SDC2: variants seen among roughly 807,000 people sequenced by gnomAD.
SDC2 encodes the protein syndecan 2, also known as syndecan-2.
SDC2 carries 13 observed loss-of-function variants against 22.2 expected under a neutral mutation model. The ratio of observed to expected loss-of-function variants is 0.59; its 90% CI spans 0.38 to 0.93. The LOEUF is 0.93. Ranked by LOEUF, SDC2 falls within the 40% of genes least tolerant of loss-of-function variation. The pLI, the probability that SDC2 is intolerant of heterozygous loss-of-function variation, is 0.00. For synonymous variants in SDC2, 94 were observed against 92.8 expected, an observed-to-expected ratio of 1.01 and a Z score of -0.07; for missense variants, 235 against 246.8, an observed-to-expected ratio of 0.95 and a Z score of 0.32.
chr8:96,609,570 T>C lies in SDC2; in HGVS notation c.*22T>C, dbSNP rs759853427. On this transcript the variant is annotated 3_prime_UTR_variant, in exon 5 of 5. Transcript: ENST00000302190. Reference sequence around the variant, plus strand: ...GTAAAACTCCAACTTAGTGTCTCTATTTATGAGATCACTGAACTTTTCAAA... The same window carrying C: ...GTAAAACTCCAACTTAGTGTCTCTACTTATGAGATCACTGAACTTTTCAAA... 1 of 1,525,532 alleles carries C rather than the reference T, an allele frequency of 6.6e-7. No homozygotes were observed. Among genetic ancestry groups the C allele is most frequent in the African/African-American group, 1.4e-5 (1 of 71,558 alleles). 94.5% of individuals were successfully genotyped at this position (1,525,532 alleles called of 1,614,324 possible).
chr8:96,608,494 G>C (rs1815122437), intron 4 of SDC2, 24 bp downstream of exon 4: 1 of 1,601,220 alleles, frequency 6.2e-7, no homozygotes, highest in Admixed American at 1.7e-5. Context: ...TGGGCCTCAG[G>C]TGGGAGGGTG....
chr8:96,570,175 GCTGGTAAGTGGCAGAGCCAGGCAAGT>G (rs1483943787), intron 1 of SDC2, among the ~76,000 whole-genome samples: 31 of 152,182 alleles, frequency 2.0e-4, no homozygotes, highest in African/African-American at 7.2e-4. Context: ...AGATCCCGCA[GCTGGTAAGTGGCAGAGCCAGGCAAGT>G]CTGGTGCCAG....
intron 1 of SDC2, among the ~76,000 whole-genome samples, chr8:96,542,456 T>C (rs1157548299): frequency 2.6e-5 from 4 of 152,194 alleles, no homozygotes; most frequent in African/African-American, 9.6e-5. Flanking sequence ...CTAATGCCTA[T>C]TTAATTGAAG....
intron 1 of SDC2, among the ~76,000 whole-genome samples, chr8:96,576,007 G>A (rs962449716): frequency 6.6e-6 from 1 of 151,982 alleles, no homozygotes; most frequent in Non-Finnish European, 1.5e-5. Context: ...TCCCTTTAGG[G>A]CCCTAGCTTA....
At chr8:96,608,936 T>C (rs1418441425) in intron 4 of SDC2, among the ~76,000 whole-genome samples, 1 of 152,210 alleles carries the variant, frequency 6.6e-6, no homozygotes, top group Non-Finnish European at 1.5e-5. Flanking sequence ...GGGAAAACTT[T>C]CAAGATTTAG....
intron 3 of SDC2, among the ~76,000 whole-genome samples, chr8:96,604,464 CTG>C (rs986669504): frequency 3.9e-5 from 6 of 152,144 alleles, no homozygotes; most frequent in Non-Finnish European, 1.5e-5. Context: ...GTGTCGAACA[CTG>C]TTTGCAGCAC....
At chr8:96,560,250 GA>G (rs1814186725) in intron 1 of SDC2, among the ~76,000 whole-genome samples, 2 of 152,182 alleles carry the variant, frequency 1.3e-5, no homozygotes, top group South Asian at 4.1e-4. Flanking sequence ...TGTTACTCTG[GA>G]TTTTGTTATC....
intron 1 of SDC2, among the ~76,000 whole-genome samples, chr8:96,565,083 G>GTGTTTTTTTTTTTTT: frequency 6.3e-5 from 1 of 15,928 alleles, no homozygotes; most frequent in Middle Eastern, 0.024. Flanking sequence ...TCCTAAATTT[G>GTGTTTTTTTTTTTTT]ATTTTTTTTT....
intron 1 of SDC2, among the ~76,000 whole-genome samples, chr8:96,538,520 T>C (rs1041824113): frequency 6.6e-6 from 1 of 152,188 alleles, no homozygotes; most frequent in Non-Finnish European, 1.5e-5. Flanking sequence ...TAGAGGTATT[T>C]TTTTTTCCAG....
At chr8:96,580,221 A>T in intron 1 of SDC2, 1 of 192,992 alleles carries the variant, frequency 5.2e-6, no homozygotes, top group South Asian at 1.8e-4. Flanking sequence ...CATGCCAAAG[A>T]GGTTACCGTG....
Position 96,493,823 on chromosome 8 carries a change from G to C in SDC2, c.-449G>C, listed in dbSNP as rs1033176222. 1.9e-5 allele frequency: 3 copies of C among 161,484 alleles called. No homozygotes were observed. Among genetic ancestry groups the C allele is most frequent in the Admixed American group, 6.5e-5 (1 of 15,398 alleles). 10.0% of individuals were successfully genotyped at this position (161,484 alleles called of 1,614,324 possible). On this transcript the variant is annotated 5_prime_UTR_variant, in exon 1 of 5. Transcript: ENST00000302190. ...GACGCGCTGCTCTCCAGATACCCCC[G>C]GAGCTCCAGCCGCGCGGATCGCGCG...
intron 1 of SDC2, among the ~76,000 whole-genome samples, chr8:96,555,848 C>T (rs141156812): frequency 1.1e-3 from 169 of 152,270 alleles, no homozygotes; most frequent in African/African-American, 3.9e-3. Flanking sequence ...CATACAAACC[C>T]ACATTTTAAA....
intron 1 of SDC2, among the ~76,000 whole-genome samples, chr8:96,505,380 T>G (rs909538875): frequency 6.6e-6 from 1 of 152,170 alleles, no homozygotes; most frequent in African/African-American, 2.4e-5. Context: ...CTCGGCTCAC[T>G]GCAGCCTCTG....
At chr8:96,576,641 G>T (rs1410954628) in intron 1 of SDC2, among the ~76,000 whole-genome samples, 1 of 148,464 alleles carries the variant, frequency 6.7e-6, no homozygotes, top group Non-Finnish European at 1.5e-5. Flanking sequence ...GGATGGTCTC[G>T]ATCTCCTGAC....
At chr8:96,503,099 T>C (rs918852422) in intron 1 of SDC2, among the ~76,000 whole-genome samples, 3 of 152,246 alleles carry the variant, frequency 2.0e-5, no homozygotes, top group Non-Finnish European at 4.4e-5. Flanking sequence ...TGAGAAAATA[T>C]GCCATTTATT....
intron 1 of SDC2, among the ~76,000 whole-genome samples, chr8:96,577,139 A>G (rs1563668215): frequency 6.6e-6 from 1 of 152,192 alleles, no homozygotes; most frequent in East Asian, 1.9e-4. Flanking sequence ...AGAATGAATG[A>G]ATGAGAATGA....
intron 1 of SDC2, among the ~76,000 whole-genome samples, chr8:96,584,464 C>T (rs1814647608): frequency 6.6e-6 from 1 of 152,248 alleles, no homozygotes; most frequent in South Asian, 2.1e-4. Context: ...CTGTGCTTGA[C>T]TTGGACTCTG....
chr8:96,519,108 C>G (rs1441668841), intron 1 of SDC2, among the ~76,000 whole-genome samples: 1 of 152,148 alleles, frequency 6.6e-6, no homozygotes, highest in African/African-American at 2.4e-5. Flanking sequence ...GAGCTTGCAG[C>G]CTCTCCTACA....
intron 1 of SDC2, among the ~76,000 whole-genome samples, chr8:96,536,262 A>T (rs912200982): frequency 8.5e-5 from 13 of 152,164 alleles, no homozygotes; most frequent in African/African-American, 2.7e-4. Flanking sequence ...GTACTTCCAC[A>T]TAGAGGCTGC....
Sources: gnomAD v4.1 joint callset for allele counts (sites outside exome capture counted in the v4.1 genomes callset) on GRCh38, gnomAD v4.1.1 for gene constraint, MANE v1.5 for transcripts, NCBI Gene and HGNC (gene_info 2026-07-23, HGNC 2026-07-21) for gene names.